Variants in FNIP2 observed in about 807,000 individuals in gnomAD.
FNIP2 encodes the protein folliculin-interacting protein 2.
In FNIP2, 32 loss-of-function variants were observed where a neutral mutation model predicts 108.7. The ratio of observed to expected loss-of-function variants is 0.29; its 90% CI spans 0.22 to 0.40. FNIP2 has a LOEUF of 0.40. Among genes scored for constraint, FNIP2 ranks in the 10% least tolerant of loss-of-function variants. FNIP2 has a pLI of 1.00. For synonymous variants in FNIP2, 480 were observed against 496.7 expected (o/e 0.97, Z 0.45); for missense variants, 1,202 against 1,381.6 (o/e 0.87, Z 2.06).
intron 14 of FNIP2, among the ~76,000 whole-genome samples, chr4:158,888,100 A>C (rs1477248822): frequency 6.6e-6 from 1 of 152,142 alleles, no homozygotes; most frequent in Non-Finnish European, 1.5e-5. Flanking sequence ...TCCAGCATTC[A>C]TTTCTTTTCT....
intron 1 of FNIP2, among the ~76,000 whole-genome samples, chr4:158,769,591 T>C (rs1206178232): frequency 6.6e-6 from 1 of 152,184 alleles, no homozygotes; most frequent in African/African-American, 2.4e-5. Flanking sequence ...GGGCGTGCGC[T>C]GTGCTTGGCT....
chr4:158,887,475 G>T (rs542344766), intron 14 of FNIP2, among the ~76,000 whole-genome samples: 1 of 152,058 alleles, frequency 6.6e-6, no homozygotes, highest in South Asian at 2.1e-4. Flanking sequence ...GGTGGCTCAC[G>T]CCTGTAATCC....
At chr4:158,862,915 A>G (rs1473467755) in intron 12 of FNIP2, among the ~76,000 whole-genome samples, 1 of 152,276 alleles carries the variant, frequency 6.6e-6, no homozygotes, top group Non-Finnish European at 1.5e-5. Flanking sequence ...ATGCTAATTA[A>G]GTAGTGTGCA....
At chr4:158,858,704 C>G (rs951377465) in intron 8 of FNIP2, among the ~76,000 whole-genome samples, 3 of 152,122 alleles carry the variant, frequency 2.0e-5, no homozygotes, top group African/African-American at 7.2e-5. Flanking sequence ...CTTTTGATGT[C>G]TTATCTATTG....
At chr4:158,807,596 A>C (rs549974139) in intron 1 of FNIP2, among the ~76,000 whole-genome samples, 3 of 152,216 alleles carry the variant, frequency 2.0e-5, no homozygotes, top group African/African-American at 7.2e-5. Flanking sequence ...ACTTTATCCC[A>C]TAAGTATGCT....
chr4:158,775,224 T>A (rs1775820737), intron 1 of FNIP2, among the ~76,000 whole-genome samples: 2 of 152,300 alleles, frequency 1.3e-5, no homozygotes, highest in South Asian at 4.1e-4. Flanking sequence ...TTTCTTGGTG[T>A]GGGTGAAAAG....
chr4:158,799,977 G>A (rs551073097), intron 1 of FNIP2, among the ~76,000 whole-genome samples: 2 of 152,054 alleles, frequency 1.3e-5, no homozygotes, highest in African/African-American at 4.8e-5. Context: ...AAATAGATAC[G>A]CAGTGCCTTT....
chr4:158,851,769 AT>A (rs1211384810), intron 8 of FNIP2, among the ~76,000 whole-genome samples: 3 of 152,212 alleles, frequency 2.0e-5, no homozygotes, highest in Admixed American at 6.5e-5. Context: ...TGTATAAGTA[AT>A]GAAGGGTGGA....
intron 6 of FNIP2, chr4:158,834,240 C>A (rs1253410552): frequency 6.7e-6 from 1 of 148,878 alleles, no homozygotes; most frequent in African/African-American, 2.5e-5. Flanking sequence ...TGCATCCTTA[C>A]CTGCACGGAG....
In FNIP2 at chr4:158,859,045, A is replaced by G. The variant is rs143173895; in HGVS notation, c.858-12A>G. On this transcript the variant is annotated splice_polypyrimidine_tract_variant and intron_variant, in intron 8 of 16. Transcript: ENST00000264433. ...ATGCATGGCAACTTTTCAAACTTAT[A>G]TTTCCCTCCAGGTCAACTGATGAGA... 1.5e-3 allele frequency: 2,448 copies of G among 1,612,806 alleles called. 1 individual carries two copies. Among genetic ancestry groups the G allele is most frequent in the Admixed American group, 3.5e-3 (209 of 59,910 alleles).
intron 7 of FNIP2, among the ~76,000 whole-genome samples, chr4:158,837,132 T>TA (rs1262611449): frequency 6.6e-6 from 1 of 152,140 alleles, no homozygotes; most frequent in African/African-American, 2.4e-5. Flanking sequence ...AGGGCTTTGT[T>TA]ATGGTTGACT....
chr4:158,839,676 T>C (rs1779014542), intron 7 of FNIP2, among the ~76,000 whole-genome samples: 1 of 152,230 alleles, frequency 6.6e-6, no homozygotes, highest in South Asian at 2.1e-4. Context: ...CAACTTCATT[T>C]ATTTGTTGCT....
chr4:158,855,357 C>T (rs978874307), intron 8 of FNIP2, among the ~76,000 whole-genome samples: 3 of 152,182 alleles, frequency 2.0e-5, no homozygotes, highest in Admixed American at 6.5e-5. Context: ...CGTGTGGGGT[C>T]GCATGCCCAT....
At chr4:158,895,719 G>T (rs774480682) in intron 15 of FNIP2, 31 bp from the exon 16 acceptor site, 1 of 1,362,172 alleles carries the variant, frequency 7.3e-7, no homozygotes. Flanking sequence ...TTGACTTCTA[G>T]CCCTCATTGT....
chr4:158,794,895 C>T (rs1238913263), intron 1 of FNIP2, among the ~76,000 whole-genome samples: 1 of 152,160 alleles, frequency 6.6e-6, no homozygotes, highest in South Asian at 2.1e-4. Flanking sequence ...TTAATCCTCT[C>T]GAAGTTGTTA....
intron 14 of FNIP2, among the ~76,000 whole-genome samples, chr4:158,873,373 T>G (rs1438445847): frequency 6.6e-6 from 1 of 151,982 alleles, no homozygotes; most frequent in Admixed American, 6.6e-5. Context: ...TTTTGTTTTG[T>G]TTTTGTTTTT....
At chr4:158,825,853 C>A (rs751930474) in intron 1 of FNIP2, 63 bp from the exon 2 acceptor site, 1 of 1,563,256 alleles carries the variant, frequency 6.4e-7, no homozygotes, top group Non-Finnish European at 8.7e-7. Context: ...GGAAGCTTAT[C>A]TGTCTGTGAT....
intron 15 of FNIP2, among the ~76,000 whole-genome samples, chr4:158,894,819 G>C (rs1782536737): frequency 6.6e-6 from 1 of 152,098 alleles, no homozygotes; most frequent in Non-Finnish European, 1.5e-5. Flanking sequence ...ATGTATTTAA[G>C]ATTTTAAACC....
At position 158,861,727 on chromosome 4, in the gene FNIP2, G is replaced by A. The variant is rs1203973339; in HGVS notation, c.1416G>A (p.Val472=). Residue 472 remains valine (V), a synonymous_variant, in exon 12 of 17, where the codon GTG becomes GTA. Coordinates refer to ENST00000264433, the MANE Select transcript of FNIP2 (RefSeq NM_020840.3). The stretch of plus-strand genomic sequence containing the variant: ...CAGAGAAACGTACCTCCCAGTCAGT[G>A]AACATGCTGGCCAAAACACATCCGT... ...AFSEKRTSQS[V]NMLAKTHPYN... 1.9e-6 allele frequency: 3 copies of A among 1,613,878 alleles called. No homozygotes were observed. Among genetic ancestry groups the A allele is most frequent in the Non-Finnish European group, 1.7e-6 (2 of 1,179,904 alleles).
Sources: allele counts gnomAD v4.1 joint callset (sites outside exome capture counted in the v4.1 genomes callset), GRCh38; gene constraint gnomAD v4.1.1; transcripts MANE v1.5; gene names NCBI Gene and HGNC (gene_info 2026-07-23, HGNC 2026-07-21).